The following PDE4D variants were observed in gnomAD, a reference collection of about 807,000 sequenced individuals.
The protein encoded by PDE4D is phosphodiesterase 4D, also known as 3',5'-cyclic-AMP phosphodiesterase 4D.
Under a neutral mutation model 87.4 loss-of-function variants are expected in PDE4D, and 24 were observed. That is an observed-to-expected ratio of 0.27 (90% CI 0.20 to 0.39). The LOEUF is 0.39. Ranked by LOEUF, PDE4D falls within the 10% of genes least tolerant of loss-of-function variation. PDE4D has a pLI of 1.00. For missense variants in PDE4D, 714 were observed against 1,041.0 expected (o/e 0.69, Z 4.32); for synonymous variants, 384 against 383.2 (o/e 1.00, Z -0.02).
intron 5 of PDE4D, among the ~76,000 whole-genome samples, chr5:59,062,322 G>T (rs60419833): frequency 6.6e-6 from 1 of 151,978 alleles, no homozygotes; most frequent in Non-Finnish European, 1.5e-5. Flanking sequence ...TTGGCATATT[G>T]TGTATATTTG....
chr5:60,323,003 C>T (rs1471193303), intron 1 of PDE4D, among the ~76,000 whole-genome samples: 1 of 152,192 alleles, frequency 6.6e-6, no homozygotes, highest in Non-Finnish European at 1.5e-5. Flanking sequence ...GTAACTCTAC[C>T]TATCTTTGTG....
intron 1 of PDE4D, among the ~76,000 whole-genome samples, chr5:59,661,816 T>G (rs1745292737): frequency 6.6e-6 from 1 of 152,208 alleles, no homozygotes; most frequent in Admixed American, 6.5e-5. Context: ...TAAATGAGCA[T>G]TGTAGGCCAG....
At chr5:59,417,180 A>G in intron 1 of PDE4D, among the ~76,000 whole-genome samples, 1 of 152,270 alleles carries the variant, frequency 6.6e-6, no homozygotes, top group East Asian at 1.9e-4. Context: ...ATAACTTTTC[A>G]TTTATACATT....
intron 3 of PDE4D, among the ~76,000 whole-genome samples, chr5:59,924,863 A>G (rs530277376): frequency 1.3e-5 from 2 of 152,278 alleles, no homozygotes; most frequent in African/African-American, 4.8e-5. Flanking sequence ...TAGAAAGACT[A>G]AAAGACAAAC....
At chr5:60,106,566 C>T (rs1395085850) in intron 2 of PDE4D, among the ~76,000 whole-genome samples, 1 of 151,636 alleles carries the variant, frequency 6.6e-6, no homozygotes, top group Non-Finnish European at 1.5e-5. Context: ...TTTTTTTCAG[C>T]ACCACACCAC....
At chr5:60,229,719 T>C (rs1201253424) in intron 1 of PDE4D, among the ~76,000 whole-genome samples, 1 of 152,102 alleles carries the variant, frequency 6.6e-6, no homozygotes, top group Non-Finnish European at 1.5e-5. Flanking sequence ...TCATCAAAAG[T>C]AAATTCCTGT....
intron 3 of PDE4D, among the ~76,000 whole-genome samples, chr5:59,952,437 C>T (rs1758395723): frequency 6.6e-6 from 1 of 152,174 alleles, no homozygotes; most frequent in African/African-American, 2.4e-5. Context: ...AAACCCTAAC[C>T]TGGCATTAGC....
intron 2 of PDE4D, among the ~76,000 whole-genome samples, chr5:60,123,159 T>C (rs182570932): frequency 1.2e-4 from 18 of 152,342 alleles, no homozygotes; most frequent in Admixed American, 3.9e-4. Flanking sequence ...AGCTCCATAC[T>C]TTCCCACATT....
chr5:59,202,206 A>AT (rs1359864326), intron 2 of PDE4D, among the ~76,000 whole-genome samples: 2 of 151,364 alleles, frequency 1.3e-5, no homozygotes, highest in East Asian at 1.9e-4. Flanking sequence ...TGCCCAGCTA[A>AT]TTTTTTTGTA....
intron 1 of PDE4D, among the ~76,000 whole-genome samples, chr5:60,218,461 G>T (rs1294976992): frequency 1.3e-5 from 2 of 151,876 alleles, no homozygotes; most frequent in African/African-American, 2.4e-5. Context: ...TCATTGGGTT[G>T]TATACTTAAG....
chr5:58,994,302 A>T (rs940225531), intron 6 of PDE4D, among the ~76,000 whole-genome samples: 2 of 152,182 alleles, frequency 1.3e-5, no homozygotes, highest in African/African-American at 4.8e-5. Context: ...ACCACATGGC[A>T]TTACCAGTAT....
intron 5 of PDE4D, among the ~76,000 whole-genome samples, chr5:59,061,883 A>G (rs1420129974): frequency 2.6e-5 from 4 of 152,142 alleles, no homozygotes; most frequent in African/African-American, 4.8e-5. Context: ...TAAAACGGCT[A>G]TAAGTACCAT....
At chr5:60,013,869 CT>C (rs1765255444) in intron 2 of PDE4D, among the ~76,000 whole-genome samples, 1 of 138,528 alleles carries the variant, frequency 7.2e-6, no homozygotes, top group Non-Finnish European at 1.6e-5. Context: ...TATAAAAAAT[CT>C]GACCAGCCTG....
intron 1 of PDE4D, among the ~76,000 whole-genome samples, chr5:60,343,321 G>T (rs375699248): frequency 6.6e-6 from 1 of 152,116 alleles, no homozygotes; most frequent in South Asian, 2.1e-4. Flanking sequence ...ATGCTGAAAT[G>T]ACTAGCAACC....
chr5:59,136,082 G>A (rs1024972003), intron 5 of PDE4D, among the ~76,000 whole-genome samples: 3 of 150,828 alleles, frequency 2.0e-5, no homozygotes, highest in Non-Finnish European at 4.4e-5. Flanking sequence ...ACACAAATGA[G>A]GAGAGTTCAT....
chr5:59,513,691 A>G (rs1364998618), intron 1 of PDE4D, among the ~76,000 whole-genome samples: 8 of 152,230 alleles, frequency 5.3e-5, no homozygotes, highest in African/African-American at 1.9e-4. Flanking sequence ...GAAAGGCAGT[A>G]CTTCCACATG....
chr5:59,845,179 C>T (rs76817110), intron 1 of PDE4D, among the ~76,000 whole-genome samples: 3 of 152,196 alleles, frequency 2.0e-5, no homozygotes, highest in African/African-American at 4.8e-5. Flanking sequence ...CTGATACGCA[C>T]CTGACTCCTG....
chr5:59,291,795 T>C (rs1196872217), intron 1 of PDE4D, among the ~76,000 whole-genome samples: 1 of 150,242 alleles, frequency 6.7e-6, no homozygotes, highest in Admixed American at 6.7e-5. Flanking sequence ...GAAAGCAGAC[T>C]TAACTATTTA....
intron 1 of PDE4D, among the ~76,000 whole-genome samples, chr5:59,335,026 C>T (rs73092930): frequency 0.095 from 14,384 of 152,130 alleles, 1,956 homozygotes; most frequent in African/African-American, 0.3. Flanking sequence ...CTTGATTTCC[C>T]ATCCATCATA....
Sources: gnomAD v4.1 joint callset for allele counts (sites outside exome capture counted in the v4.1 genomes callset) on GRCh38, gnomAD v4.1.1 for gene constraint, MANE v1.5 for transcripts, NCBI Gene and HGNC (gene_info 2026-07-23, HGNC 2026-07-21) for gene names.